The following SMYD4 variants were observed in gnomAD, a reference collection of about 807,000 sequenced individuals.
SMYD4 encodes protein-lysine N-methyltransferase SMYD4.
Under a neutral mutation model 72.8 loss-of-function variants are expected in SMYD4, and 68 were observed. The ratio of observed to expected loss-of-function variants is 0.93; its 90% CI spans 0.77 to 1.14. SMYD4 has a LOEUF of 1.14. SMYD4 is among the 50% of genes most tolerant of loss of function. SMYD4 has a pLI of 0.00. For missense variants in SMYD4, 984 were observed against 1,003.7 expected (o/e 0.98, Z 0.27); for synonymous variants, 407 against 388.6 (o/e 1.05, Z -0.56).
intron 2 of SMYD4, among the ~76,000 whole-genome samples, chr17:1,815,566 G>A (rs1201316654): frequency 1.3e-5 from 2 of 149,588 alleles, no homozygotes. Context: ...GCTGAGGTGG[G>A]AGGATCGCTT....
At chr17:1,781,571 G>C in intron 10 of SMYD4, 132 bp from the exon 11 acceptor site, 1 of 1,016,532 alleles carries the variant, frequency 9.8e-7, no homozygotes, top group Non-Finnish European at 1.4e-6. Flanking sequence ...AGAACAGTAA[G>C]TAAGACACTG....
At chr17:1,805,695 CCA>C (rs1342438231) in intron 3 of SMYD4, among the ~76,000 whole-genome samples, 4 of 151,756 alleles carry the variant, frequency 2.6e-5, no homozygotes, top group Admixed American at 2.0e-4. Context: ...GCCTGTAATC[CCA>C]GTTACTCGGG....
chr17:1,802,122 G>A (rs1348365713), intron 4 of SMYD4, among the ~76,000 whole-genome samples: 1 of 152,144 alleles, frequency 6.6e-6, no homozygotes, highest in Non-Finnish European at 1.5e-5. Flanking sequence ...AGGATAAAAG[G>A]AAATAATATA....
rs1555577035 is a variant in SMYD4 at position 1,800,614 on chromosome 17, C to T, written c.780G>A (p.Val260=). The T allele has an allele frequency of 2.5e-6, 4 of 1,614,168 alleles. No homozygotes were observed. In the South Asian group the frequency reaches 3.3e-5, roughly 13 times the overall value. Residue 260 remains valine (V), a synonymous_variant, in exon 5 of 11, where the codon GTG becomes GTA. Coordinates refer to ENST00000305513, the MANE Select transcript of SMYD4 (RefSeq NM_052928.3). The stretch of plus-strand genomic sequence containing the variant: ...GAACACTCACAAAAGCATCCTCCTG[C>T]ACCAGGAGCTCTCCTGGGAGAATAT... ...TKDILPGELL[V]QEDAFVSVLN...
At chr17:1,785,150 C>T (rs551723071) in intron 7 of SMYD4, among the ~76,000 whole-genome samples, 37 of 147,756 alleles carry the variant, frequency 2.5e-4, no homozygotes, top group African/African-American at 8.4e-4. Flanking sequence ...AGGCCAGGTG[C>T]GGTGGCTCAC....
intron 5 of SMYD4, among the ~76,000 whole-genome samples, chr17:1,799,176 G>C (rs910320206): frequency 1.5e-4 from 22 of 147,290 alleles, no homozygotes; most frequent in African/African-American, 5.0e-4. Flanking sequence ...GGAGAATGGC[G>C]TGAACCTGGG....
intron 1 of SMYD4, 48 bp from the exon 2 acceptor site, chr17:1,828,054 G>T: frequency 6.4e-7 from 1 of 1,570,942 alleles, no homozygotes; most frequent in Non-Finnish European, 8.7e-7. Context: ...CACAATTTTA[G>T]AAAATCAAGA....
chr17:1,792,489 T>C (rs941820861), intron 5 of SMYD4, among the ~76,000 whole-genome samples: 33 of 152,058 alleles, frequency 2.2e-4, no homozygotes, highest in East Asian at 1.9e-4. Context: ...CTACTAAACA[T>C]ACAAAAGTTA....
At chr17:1,828,121 T>G in intron 1 of SMYD4, 115 bp from the exon 2 acceptor site, 2 of 988,832 alleles carry the variant, frequency 2.0e-6, no homozygotes, top group Non-Finnish European at 1.5e-6. Flanking sequence ...GAAGCCGAGG[T>G]AGGTGGATCA....
intron 2 of SMYD4, among the ~76,000 whole-genome samples, chr17:1,822,557 A>G (rs922932392): frequency 1.3e-5 from 2 of 152,182 alleles, no homozygotes; most frequent in African/African-American, 4.8e-5. Context: ...TCTCCAATTC[A>G]TTCTGAGGCT....
chr17:1,820,366 A>G (rs2151253048), intron 2 of SMYD4, among the ~76,000 whole-genome samples: 1 of 151,984 alleles, frequency 6.6e-6, no homozygotes, highest in Non-Finnish European at 1.5e-5. Flanking sequence ...CAGCCTCCCA[A>G]ATAGCTATGG....
chr17:1,792,111 C>T (rs1054750374), intron 5 of SMYD4, among the ~76,000 whole-genome samples: 6 of 151,674 alleles, frequency 4.0e-5, no homozygotes, highest in South Asian at 2.1e-4. Flanking sequence ...GGCGCGATCG[C>T]GGCTCAGTGC....
intron 3 of SMYD4, among the ~76,000 whole-genome samples, chr17:1,810,301 G>A (rs1272194026): frequency 3.3e-5 from 5 of 150,662 alleles, no homozygotes; most frequent in African/African-American, 1.2e-4. Flanking sequence ...TTTTTTTTGA[G>A]TCAGGGTCTC....
At chr17:1,796,299 G>GTTTTTTTTT (rs35650939) in intron 5 of SMYD4, among the ~76,000 whole-genome samples, 28 of 109,544 alleles carry the variant, frequency 2.6e-4, no homozygotes, top group African/African-American at 3.7e-4. Flanking sequence ...ATGCCTGGCT[G>GTTTTTTTTT]TTTTTTTTTT....
chr17:1,808,134 T>C (rs999318612), intron 3 of SMYD4, among the ~76,000 whole-genome samples: 15 of 152,184 alleles, frequency 9.9e-5, no homozygotes, highest in Admixed American at 3.9e-4. Context: ...ATTACCCTTC[T>C]AGGAATTTAT....
At chr17:1,826,873 G>A (rs190313603) in intron 2 of SMYD4, among the ~76,000 whole-genome samples, 3 of 152,164 alleles carry the variant, frequency 2.0e-5, no homozygotes, top group African/African-American at 7.2e-5. Context: ...CAAACAGGCC[G>A]GGCACAGTGG....
rs766927123 is a variant in SMYD4 at position 1,786,837 on chromosome 17, AC to A, written c.1856del (p.Cys619PhefsTer55). On this transcript the variant is annotated frameshift_variant, in exon 7 of 11. Coordinates refer to ENST00000305513, the MANE Select transcript of SMYD4 (RefSeq NM_052928.3). LOFTEE classifies it high-confidence loss of function. ...GCATGGGCGCTCCGCAACTGTTGCA[AC>A]AGAATGCTTCCCACCTGGGCCCTGC... ...MAAGPRWEAF[C>X]CNSCGAPMQG... 1 of 1,614,106 alleles carries A rather than the reference AC, an allele frequency of 6.2e-7. No individual in the cohort carries two copies. The highest frequency in any genetic ancestry group is 1.3e-5 in the African/African-American group (1 of 74,946).
intron 3 of SMYD4, among the ~76,000 whole-genome samples, chr17:1,806,081 C>T (rs769586209): frequency 2.8e-4 from 43 of 151,136 alleles, no homozygotes; most frequent in Non-Finnish European, 5.3e-4. Context: ...CCCGCCACCA[C>T]GCCTGGCCAA....
At chr17:1,785,180 T>C (rs1908590600) in intron 7 of SMYD4, among the ~76,000 whole-genome samples, 1 of 146,846 alleles carries the variant, frequency 6.8e-6, no homozygotes, top group East Asian at 2.1e-4. Flanking sequence ...CCCAGCACTT[T>C]GGGAGGGCGA....
Sources: gnomAD v4.1 joint callset for allele counts (sites outside exome capture counted in the v4.1 genomes callset) on GRCh38, gnomAD v4.1.1 for gene constraint, MANE v1.5 for transcripts, NCBI Gene and HGNC (gene_info 2026-07-23, HGNC 2026-07-21) for gene names.